Variants in CDH12 observed in about 807,000 individuals in gnomAD.
The protein encoded by CDH12 is cadherin-12.
In CDH12, 41 loss-of-function variants were observed where a neutral mutation model predicts 74.1. The ratio of observed to expected loss-of-function variants is 0.55; its 90% CI spans 0.43 to 0.72. The LOEUF is 0.72. Ranked by LOEUF, CDH12 falls within the 30% of genes least tolerant of loss-of-function variation. The probability of loss-of-function intolerance (pLI) is 0.00; values close to 1 mark genes in which losing one functional copy is unlikely to be tolerated. For missense variants in CDH12, 945 were observed against 977.2 expected, an observed-to-expected ratio of 0.97 and a Z score of 0.44; for synonymous variants, 399 against 355.0, an observed-to-expected ratio of 1.12 and a Z score of -1.39.
At position 22,332,352 on chromosome 5, in the gene CDH12, T is replaced by G. The variant is rs117839708; in HGVS notation, c.-333+72905A>C. ...CCCTACAGGCCAGGAGAAAGTGGCA[T>G]GACATATTTAAAGTGCAGAAGAAAT... On this transcript the variant is annotated intron_variant, in intron 3 of 14. Transcript: ENST00000382254. Among the ~76,000 whole-genome samples, 12 of 152,250 alleles carry G rather than the reference T, an allele frequency of 7.9e-5. No individual in the cohort carries two copies. The East Asian group carries it at 1.7e-3, about 22-fold the overall frequency.
intron 1 of CDH12, among the ~76,000 whole-genome samples, chr5:22,705,130 T>TATATATACACACACACACAC (rs752782183): frequency 4.0e-5 from 5 of 125,616 alleles, no homozygotes; most frequent in African/African-American, 1.5e-4. Context: ...TATATATATA[T>TATATATACACACACACACAC]ACACACACAC....
intron 1 of CDH12, among the ~76,000 whole-genome samples, chr5:22,776,139 T>G (rs1279303704): frequency 2.6e-5 from 4 of 152,150 alleles, no homozygotes; most frequent in Non-Finnish European, 4.4e-5. Flanking sequence ...TTACACTGCA[T>G]GTTCAGGAAC....
At chr5:21,774,216 T>C (rs1464928392) in intron 11 of CDH12, among the ~76,000 whole-genome samples, 1 of 152,120 alleles carries the variant, frequency 6.6e-6, no homozygotes, top group African/African-American at 2.4e-5. Flanking sequence ...CCAGCGTGGC[T>C]AGGACAAAAG....
At chr5:22,293,017 A>G (rs77179108) in intron 3 of CDH12, among the ~76,000 whole-genome samples, 1 of 62,224 alleles carries the variant, frequency 1.6e-5, no homozygotes, top group East Asian at 5.3e-4. Flanking sequence ...CCAATCTGTA[A>G]CCCACATCCA....
intron 4 of CDH12, among the ~76,000 whole-genome samples, chr5:22,124,250 G>A (rs1745705197): frequency 6.6e-6 from 1 of 151,978 alleles, no homozygotes; most frequent in Non-Finnish European, 1.5e-5. Flanking sequence ...CAGCCTCTCG[G>A]GTAGCTGGGA....
chr5:22,761,507 G>T (rs1746227286), intron 1 of CDH12, among the ~76,000 whole-genome samples: 1 of 152,112 alleles, frequency 6.6e-6, no homozygotes, highest in Admixed American at 6.5e-5. Flanking sequence ...ACAGGCCCAA[G>T]ATATAAATAT....
At chr5:22,459,483 T>C (rs912105867) in intron 2 of CDH12, among the ~76,000 whole-genome samples, 5 of 152,144 alleles carry the variant, frequency 3.3e-5, no homozygotes, top group African/African-American at 1.2e-4. Context: ...CAAGAGTATG[T>C]CAAAGAAATG....
In CDH12 at chr5:22,640,526, C is replaced by A. The variant is rs1453924236; in HGVS notation, c.-522-135162G>T. Among the ~76,000 whole-genome samples the A allele has an allele frequency of 2.6e-5, 4 of 152,190 alleles. No homozygotes were observed. In the East Asian group the frequency reaches 7.7e-4, roughly 29 times the overall value. Reference sequence around the variant, plus strand: ...AATTATTTGATCATGATATCTACATCATTGGCTCATTCCCATTCATATAAT... The same window carrying A: ...AATTATTTGATCATGATATCTACATAATTGGCTCATTCCCATTCATATAAT... On this transcript the variant is annotated intron_variant, in intron 1 of 14. Coordinates refer to ENST00000382254, the MANE Select transcript of CDH12 (RefSeq NM_004061.5).
At chr5:22,346,414 T>C (rs1344621238) in intron 3 of CDH12, among the ~76,000 whole-genome samples, 1 of 152,180 alleles carries the variant, frequency 6.6e-6, no homozygotes, top group Non-Finnish European at 1.5e-5. Flanking sequence ...ACTTCCCTAA[T>C]TGGTTCATTG....
At chr5:22,840,868 A>C (rs1399893376) in intron 1 of CDH12, among the ~76,000 whole-genome samples, 1 of 152,202 alleles carries the variant, frequency 6.6e-6, no homozygotes, top group Non-Finnish European at 1.5e-5. Flanking sequence ...GTGGCTGGTA[A>C]TCAGTATCCC....
intron 1 of CDH12, among the ~76,000 whole-genome samples, chr5:22,516,158 A>G (rs1220942211): frequency 1.3e-5 from 2 of 152,162 alleles, no homozygotes; most frequent in Non-Finnish European, 2.9e-5. Context: ...ATGGCAAGAT[A>G]AAATGTCACA....
chr5:22,367,214 C>A (rs1327945091), intron 3 of CDH12, among the ~76,000 whole-genome samples: 3 of 152,028 alleles, frequency 2.0e-5, no homozygotes, highest in African/African-American at 7.2e-5. Flanking sequence ...CCACTTTGCT[C>A]CAGATACCTA....
At chr5:21,783,986 T>C (rs1214380403) in intron 10 of CDH12, among the ~76,000 whole-genome samples, 2 of 152,178 alleles carry the variant, frequency 1.3e-5, no homozygotes, top group South Asian at 2.1e-4. Context: ...TTGGTAATTA[T>C]ACAAAAATAT....
chr5:22,783,547 C>T (rs1042941260), intron 1 of CDH12, among the ~76,000 whole-genome samples: 1 of 152,146 alleles, frequency 6.6e-6, no homozygotes, highest in Non-Finnish European at 1.5e-5. Context: ...TGGCAACTCA[C>T]AACTTCAGGG....
chr5:22,275,516 A>G (rs1401102473), intron 3 of CDH12, among the ~76,000 whole-genome samples: 1 of 152,160 alleles, frequency 6.6e-6, no homozygotes, highest in Non-Finnish European at 1.5e-5. Context: ...GAGAAGAGGT[A>G]TATTTAAAAT....
chr5:22,815,782 A>AAT (rs1554005540), intron 1 of CDH12, among the ~76,000 whole-genome samples: 88 of 148,968 alleles, frequency 5.9e-4, no homozygotes, highest in African/African-American at 5.9e-4. Context: ...AAAAAAAAAA[A>AAT]AAATAAATAA....
intron 6 of CDH12, among the ~76,000 whole-genome samples, chr5:21,880,568 TTTCTTTCCTTCCTTCC>T (rs1249517446): frequency 6.6e-5 from 1 of 15,266 alleles, no homozygotes; most frequent in African/African-American, 1.3e-4. Flanking sequence ...CCTTCCCTTC[TTTCTTTCCTTCCTTCC>T]TTCCTTCCTT....
At chr5:22,418,625 T>A (rs1743501663) in intron 2 of CDH12, among the ~76,000 whole-genome samples, 1 of 152,178 alleles carries the variant, frequency 6.6e-6, no homozygotes, top group African/African-American at 2.4e-5. Flanking sequence ...AGCTCGCGCC[T>A]GTAATCCCAG....
In CDH12 at chr5:22,847,471, G is replaced by A. The variant is rs117613840; in HGVS notation, c.-523+5587C>T. Among the ~76,000 whole-genome samples, 64 of 152,122 alleles carry A rather than the reference G, an allele frequency of 4.2e-4. No individual in the cohort carries two copies. The East Asian group carries it at 6.6e-3, about 16-fold the overall frequency. On this transcript the variant is annotated intron_variant, in intron 1 of 14. Transcript: ENST00000382254. Reference sequence around the variant, plus strand: ...TTCCTACATTCTTTACTCAGAAATCGTCTTAAATACATCATTTCATTTAGT... The same window carrying A: ...TTCCTACATTCTTTACTCAGAAATCATCTTAAATACATCATTTCATTTAGT...
Sources: allele counts gnomAD v4.1 joint callset (sites outside exome capture counted in the v4.1 genomes callset), GRCh38; gene constraint gnomAD v4.1.1; transcripts MANE v1.5; gene names NCBI Gene and HGNC (gene_info 2026-07-23, HGNC 2026-07-21).